Variants in CAPN11 observed in about 807,000 individuals in gnomAD.
The protein encoded by CAPN11 is calpain 11.
A neutral mutation model predicts 105.3 loss-of-function variants in CAPN11; 108 were observed. That is an observed-to-expected ratio of 1.03 (90% confidence interval 0.88 to 1.20). The LOEUF is 1.20. Ranked by LOEUF, CAPN11 falls within the 50% of genes most tolerant of loss-of-function variation. The pLI is 0.00. For synonymous variants in CAPN11, 329 were observed against 344.5 expected (o/e 0.96, Z 0.50); for missense variants, 883 against 924.8 (o/e 0.95, Z 0.59).
At chr6:44,172,541 A>T (rs527919779) in intron 5 of CAPN11, 121 bp downstream of exon 5, 157 of 617,222 alleles carry the variant, frequency 2.5e-4, no homozygotes, top group Non-Finnish European at 3.9e-4. Flanking sequence ...GTTTTGGACT[A>T]ATTATCAGAG....
intron 4 of CAPN11, 63 bp downstream of exon 4, chr6:44,170,038 G>A: frequency 7.5e-7 from 1 of 1,338,008 alleles, no homozygotes; most frequent in Non-Finnish European, 1.1e-6. Flanking sequence ...GGGTGCCAGG[G>A]TGTCTTTTGA....
rs1339016980 is a variant in CAPN11, at chr6:44,180,749, G to A, written c.1748G>A (p.Gly583Asp). The A allele has an allele frequency of 6.2e-7, 1 of 1,613,714 alleles. No homozygotes were observed. The highest frequency in any genetic ancestry group is 1.3e-5 in the African/African-American group (1 of 74,956). Residue 583 changes from glycine to aspartate, a missense_variant and splice_region_variant, in exon 17 of 23, where the codon GGC (glycine) becomes GAC (aspartate). Gly to Asp is a moderately conservative substitution (Grantham distance 94). Transcript: ENST00000398776. ...LHLFKIVAGE[G>D]KEIGVYELQR... ...GGGGTTCACAGTTCCCCTTCCTAGGGCAAGGAGATAGGGGTGTATGAGCTC... is the reference window on the plus strand; with the variant it reads ...GGGGTTCACAGTTCCCCTTCCTAGGACAAGGAGATAGGGGTGTATGAGCTC...
intron 14 of CAPN11, 44 bp from the exon 15 acceptor site, chr6:44,180,416 T>C: frequency 4.5e-6 from 5 of 1,099,186 alleles, no homozygotes; most frequent in Non-Finnish European, 5.4e-6. Flanking sequence ...AACCCCCACC[T>C]CCCTCCCCCT....
intron 1 of CAPN11, among the ~76,000 whole-genome samples, chr6:44,163,415 C>T (rs377033342): frequency 1.3e-5 from 2 of 152,222 alleles, no homozygotes; most frequent in African/African-American, 2.4e-5. Context: ...GGCCAGTTGA[C>T]TCACTCATCC....
intron 1 of CAPN11, among the ~76,000 whole-genome samples, chr6:44,159,942 C>T (rs1768407866): frequency 6.6e-6 from 1 of 151,822 alleles, no homozygotes; most frequent in Admixed American, 6.6e-5. Context: ...CGAGACCAGC[C>T]TGGCCAACAT....
chr6:44,175,993 T>A (rs1771930018), intron 7 of CAPN11, 75 bp from the exon 8 acceptor site: 1 of 918,638 alleles, frequency 1.1e-6, no homozygotes, highest in African/African-American at 1.6e-5. Flanking sequence ...AGCTCGCCCC[T>A]TCCTTTGGGT....
At chr6:44,160,681 TGGA>T (rs1039504620) in intron 1 of CAPN11, among the ~76,000 whole-genome samples, 9 of 152,186 alleles carry the variant, frequency 5.9e-5, no homozygotes, top group Admixed American at 3.9e-4. Flanking sequence ...CTCAGTCTGA[TGGA>T]GGAGACAGGA....
intron 1 of CAPN11, among the ~76,000 whole-genome samples, chr6:44,166,020 T>C (rs1769772904): frequency 1.3e-5 from 2 of 152,126 alleles, no homozygotes; most frequent in Middle Eastern, 3.4e-3. Flanking sequence ...GGGGATGCCC[T>C]TGTGAAGGAC....
Position 44,184,196 on chromosome 6 carries a change from T to A in CAPN11, c.*264T>A. 1.8e-6 allele frequency: 1 copy of A among 553,846 alleles called. No homozygotes were observed. The highest frequency in any genetic ancestry group is 3.2e-6 in the Non-Finnish European group (1 of 309,834). The allele number at this position is 553,846 out of a possible 1,614,324, so 34.3% of individuals were successfully genotyped here. On this transcript the variant is annotated 3_prime_UTR_variant, in exon 23 of 23. Transcript: ENST00000398776. The stretch of plus-strand genomic sequence containing the variant: ...TTCCCCCACCATCGCTCTCTCAGAG[T>A]ATATTTTACTAAAGAGTAGTTGATG...
intron 12 of CAPN11, among the ~76,000 whole-genome samples, chr6:44,178,676 G>A (rs113119438): frequency 0.039 from 5,798 of 150,132 alleles, 246 homozygotes; most frequent in African/African-American, 0.11. Flanking sequence ...AGAGGCCGAG[G>A]TGGGAGGATC....
In CAPN11 at chr6:44,181,313, A is replaced by T. The variant is rs1561853488; in HGVS notation, c.1931A>T (p.Lys644Ile). 8.7e-6 allele frequency: 14 copies of T among 1,610,602 alleles called. No individual in the cohort carries two copies. The highest frequency in any genetic ancestry group is 1.7e-4 in the Middle Eastern group (1 of 6,050). Reference sequence around the variant, plus strand: ...AAGATCCTGTGGAAAAAACTCAAGAAATGGATGGTAAAGGGCACTAAAGGG... The same window carrying T: ...AAGATCCTGTGGAAAAAACTCAAGATATGGATGGTAAAGGGCACTAAAGGG... The part of the protein sequence containing the change: ...EFKILWKKLK[K>I]WMDIFRECDQ... The change falls in exon 19 of 23, where the codon AAA becomes ATA. Residue 644 changes from lysine to isoleucine, a missense_variant. Coordinates refer to ENST00000398776, the MANE Select transcript of CAPN11 (RefSeq NM_007058.4).
intron 7 of CAPN11, 35 bp downstream of exon 7, chr6:44,173,421 C>A: frequency 7.1e-7 from 1 of 1,412,734 alleles, no homozygotes; most frequent in Non-Finnish European, 9.8e-7. Context: ...AGGGCCTTTG[C>A]ACCTGCTGTT....
chr6:44,165,074 A>T (rs928652811), intron 1 of CAPN11, among the ~76,000 whole-genome samples: 1 of 151,942 alleles, frequency 6.6e-6, no homozygotes, highest in Admixed American at 6.6e-5. Context: ...TTTTTAGTAG[A>T]CACGAGGTTT....
Position 44,183,691 on chromosome 6 carries a change from C to T in CAPN11, c.2135-14C>T. 1 of 1,613,530 alleles carries T rather than the reference C, an allele frequency of 6.2e-7. No homozygotes were observed. The highest frequency in any genetic ancestry group is 1.1e-5 in the South Asian group (1 of 90,968). ...AGCATTCAGCCCCTCTCCCCCGCTT[C>T]CTCTGTAACGCAGCATTCTTTCTAA... On this transcript the variant is annotated splice_polypyrimidine_tract_variant and intron_variant, in intron 21 of 22. Transcript: ENST00000398776.
chr6:44,182,456 G>A (rs1241745439), intron 19 of CAPN11, among the ~76,000 whole-genome samples: 6 of 152,238 alleles, frequency 3.9e-5, no homozygotes, highest in African/African-American at 1.4e-4. Context: ...GCGCTGGGCA[G>A]GGCACCAGTG....
chr6:44,176,509 C>A, intron 9 of CAPN11, 72 bp from the exon 10 acceptor site: 3 of 1,432,962 alleles, frequency 2.1e-6, no homozygotes, highest in Non-Finnish European at 2.9e-6. Flanking sequence ...AGGGAAGAGG[C>A]AGTCCCCTGG....
Position 44,180,599 on chromosome 6 carries a change from A to G in CAPN11, c.1683A>G (p.Glu561=). 1 of 1,613,832 alleles carries G rather than the reference A, an allele frequency of 6.2e-7. No individual in the cohort carries two copies. Among genetic ancestry groups the G allele is most frequent in the African/African-American group, 1.3e-5 (1 of 74,988 alleles). Residue 561 remains glutamate (E), a splice_region_variant and synonymous_variant, in exon 16 of 23, where the codon GAA becomes GAG. Coordinates refer to ENST00000398776, the MANE Select transcript of CAPN11 (RefSeq NM_007058.4). ...CTTTCCTGCTCCCCGGCCCCCAGGA[A>G]AAGGTCTCTGAGGATGACATGGACC... The part of the protein sequence containing the change: ...EVNYAEQLQE[E]KVSEDDMDQD...
chr6:44,161,592 G>C (rs1254230566), intron 1 of CAPN11, among the ~76,000 whole-genome samples: 1 of 152,184 alleles, frequency 6.6e-6, no homozygotes, highest in East Asian at 1.9e-4. Flanking sequence ...ACACCCTGGG[G>C]ACTGGGTATG....
chr6:44,159,297 T>C (rs905160769), intron 1 of CAPN11, among the ~76,000 whole-genome samples: 4 of 151,794 alleles, frequency 2.6e-5, no homozygotes, highest in Admixed American at 1.3e-4. Flanking sequence ...GAAAAGCAGG[T>C]CCCTCAGCCC....
Sources: allele counts gnomAD v4.1 joint callset (sites outside exome capture counted in the v4.1 genomes callset), GRCh38; gene constraint gnomAD v4.1.1; transcripts MANE v1.5; gene names NCBI Gene and HGNC (gene_info 2026-07-23, HGNC 2026-07-21).